Variants in ZFYVE26 observed in about 807,000 individuals in gnomAD.
The protein encoded by ZFYVE26 is zinc finger FYVE-type containing 26.
In ZFYVE26, 181 loss-of-function variants were observed where a neutral mutation model predicts 276.5. The ratio of observed to expected loss-of-function variants is 0.65; its 90% CI spans 0.58 to 0.74. The LOEUF is 0.74. ZFYVE26 is among the 30% of genes least tolerant of loss of function. ZFYVE26 has a pLI of 0.00. For missense variants in ZFYVE26, 2,821 were observed against 3,097.9 expected (o/e 0.91, Z 2.12); for synonymous variants, 1,129 against 1,203.1 (o/e 0.94, Z 1.27).
At chr14:67,751,856 T>C (rs1050872405) in intron 40 of ZFYVE26, among the ~76,000 whole-genome samples, 2 of 146,128 alleles carry the variant, frequency 1.4e-5, no homozygotes, top group African/African-American at 2.5e-5. Context: ...CGCGAGACTC[T>C]GTCTCAAAAA....
intron 27 of ZFYVE26, among the ~76,000 whole-genome samples, chr14:67,774,061 G>C (rs1454608698): frequency 3.3e-5 from 5 of 152,124 alleles, no homozygotes; most frequent in Non-Finnish European, 2.9e-5. Flanking sequence ...TTGCATATTT[G>C]TAAAGTTGCT....
chr14:67,793,035 A>G (rs1044121134), intron 14 of ZFYVE26, among the ~76,000 whole-genome samples: 14 of 151,920 alleles, frequency 9.2e-5, no homozygotes, highest in Middle Eastern at 3.4e-3. Context: ...TGAGGCAGGT[A>G]GATCACTTGA....
rs140257538 is a variant in ZFYVE26 at position 67,729,229 on chromosome 14, G to T, written n.3270C>A. 1 of 1,611,468 alleles carries T rather than the reference G, an allele frequency of 6.2e-7. No individual in the cohort carries two copies. Among genetic ancestry groups the T allele is most frequent in the Non-Finnish European group, 8.5e-7 (1 of 1,180,004 alleles). On this transcript the variant is annotated non_coding_transcript_exon_variant, in exon 14 of 15. Transcript: ENST00000394455. ...CACCTACGCAGTGCACCCAGGCGTC[G>T]TCCGCTCTGAGCTGGTCCGGCACTC...
At chr14:67,793,456 TG>T in intron 14 of ZFYVE26, 151 bp downstream of exon 14, 1 of 803,988 alleles carries the variant, frequency 1.2e-6, no homozygotes, top group Non-Finnish European at 2.1e-6. Flanking sequence ...TGCTGAAGAC[TG>T]GGCCTGGGCA....
chr14:67,815,784 A>G lies in ZFYVE26; in HGVS notation c.180T>C (p.Cys60=), dbSNP rs1169504136. The G allele has an allele frequency of 1.2e-6, 2 of 1,613,228 alleles. No homozygotes were observed. Among genetic ancestry groups the G allele is most frequent in the Admixed American group, 1.7e-5 (1 of 60,024 alleles). ...AGATCCCTTACCTCAGCAGATTTGG[A>G]CACACCACCAATGCCTGAAGTATGT... ...VEDILQALVV[C]PNLLRCGQDI... The change falls in exon 2 of 42, where the codon TGT becomes TGC. Residue 60 remains cysteine, a synonymous_variant. Coordinates refer to ENST00000347230, the MANE Select transcript of ZFYVE26 (RefSeq NM_015346.4).
Position 67,762,261 on chromosome 14 carries a change from C to T in ZFYVE26, c.6311G>A (p.Arg2104Lys). 6.2e-7 allele frequency: 1 copy of T among 1,614,150 alleles called. No homozygotes were observed. The highest frequency in any genetic ancestry group is 8.5e-7 in the Non-Finnish European group (1 of 1,180,028). ...FDLNQLNHGSRLVQDVVEYLE... is the reference protein window; with the variant it reads ...FDLNQLNHGSKLVQDVVEYLE... ...GTACTCAACCACATCCTGCACCAGC[C>T]TTGAGCCATGATTCAGCTGATTGAG... The change falls in exon 34 of 42, where the codon AGG becomes AAG. Residue 2104 changes from arginine (R) to lysine (K), a missense_variant. Arg to Lys is a conservative substitution (Grantham distance 26). Transcript: ENST00000347230.
intron 13 of ZFYVE26, chr14:67,733,778 C>T: frequency 6.2e-7 from 1 of 1,613,440 alleles, no homozygotes; most frequent in South Asian, 1.1e-5. Flanking sequence ...TCTCCAAGGG[C>T]CCGAAATAAC....
chr14:67,784,500 T>A, intron 19 of ZFYVE26, 64 bp from the exon 20 acceptor site: 1 of 1,467,138 alleles, frequency 6.8e-7, no homozygotes, highest in Admixed American at 1.7e-5. Context: ...GAGCCCTGTT[T>A]CCCAGAATTG....
chr14:67,730,984 A>T (rs1242605052), intron 13 of ZFYVE26, among the ~76,000 whole-genome samples: 1 of 152,196 alleles, frequency 6.6e-6, no homozygotes, highest in African/African-American at 2.4e-5. Context: ...TTTTTAAATG[A>T]GATAAAAGAT....
At chr14:67,754,964 G>A in intron 37 of ZFYVE26, 87 bp downstream of exon 37, 2 of 1,447,668 alleles carry the variant, frequency 1.4e-6, no homozygotes, top group South Asian at 1.1e-5. Flanking sequence ...AGGATTCAAG[G>A]AATGGACAAG....
chr14:67,766,874 A>ATT (rs1267942527), intron 31 of ZFYVE26, among the ~76,000 whole-genome samples: 1 of 150,422 alleles, frequency 6.6e-6, no homozygotes, highest in Non-Finnish European at 1.5e-5. Flanking sequence ...TAATTTTTGT[A>ATT]TTTTTTTTTG....
intron 14 of ZFYVE26, among the ~76,000 whole-genome samples, chr14:67,792,316 C>T (rs905573457): frequency 4.6e-5 from 7 of 151,870 alleles, no homozygotes; most frequent in Admixed American, 2.6e-4. Flanking sequence ...CATTAATATG[C>T]CAAGAGGGTT....
intron 13 of ZFYVE26, among the ~76,000 whole-genome samples, chr14:67,737,760 G>A (rs976095005): frequency 1.3e-5 from 2 of 151,990 alleles, no homozygotes; most frequent in African/African-American, 2.4e-5. Flanking sequence ...TTGGGGTCTC[G>A]CTTTATTGCC....
At chr14:67,757,219 G>A (rs531643877) in intron 35 of ZFYVE26, among the ~76,000 whole-genome samples, 6 of 152,148 alleles carry the variant, frequency 3.9e-5, no homozygotes, top group Middle Eastern at 3.4e-3. Flanking sequence ...TCAGTCTAAC[G>A]CCCACAAATG....
downstream of ZFYVE26, among the ~76,000 whole-genome samples, chr14:67,746,300 C>CA (rs11404942): frequency 0.53 from 79,457 of 149,386 alleles, 22,445 homozygotes; most frequent in African/African-American, 0.72. Context: ...CCAACTGAAG[C>CA]AAAAAAAAAA....
intron 2 of ZFYVE26, 59 bp from the exon 3 acceptor site, chr14:67,814,123 T>G: frequency 7.1e-7 from 1 of 1,399,102 alleles, no homozygotes; most frequent in Non-Finnish European, 1.0e-6. Flanking sequence ...TTTCATCTTT[T>G]GTCATCCAAG....
intron 13 of ZFYVE26, among the ~76,000 whole-genome samples, chr14:67,740,687 T>A (rs977049738): frequency 6.6e-6 from 1 of 152,058 alleles, no homozygotes; most frequent in Non-Finnish European, 1.5e-5. Flanking sequence ...GGCGGGTGGA[T>A]CACGAGATCA....
At chr14:67,804,024 A>G in intron 9 of ZFYVE26, 77 bp downstream of exon 9, 2 of 1,586,604 alleles carry the variant, frequency 1.3e-6, no homozygotes, top group South Asian at 2.2e-5. Flanking sequence ...TCACATCTGG[A>G]TAAATCTCAT....
intron 13 of ZFYVE26, chr14:67,735,408 C>A: frequency 1.5e-6 from 1 of 655,004 alleles, no homozygotes; most frequent in South Asian, 1.7e-5. Context: ...AAAAGACTTG[C>A]CGCAAGTTAA....
Sources: allele counts gnomAD v4.1 joint callset (sites outside exome capture counted in the v4.1 genomes callset), GRCh38; gene constraint gnomAD v4.1.1; transcripts MANE v1.5; gene names NCBI Gene and HGNC (gene_info 2026-07-23, HGNC 2026-07-21).